Variants in OTUD7A observed in about 807,000 individuals in gnomAD.
OTUD7A encodes the protein OTU domain-containing protein 7A.
OTUD7A carries 12 observed loss-of-function variants against 65.7 expected under a neutral mutation model. That is an observed-to-expected ratio of 0.18 (90% confidence interval 0.12 to 0.30). The LOEUF is 0.30. Ranked by LOEUF, OTUD7A falls within the 10% of genes least tolerant of loss-of-function variation. OTUD7A has a pLI of 1.00. For missense variants in OTUD7A, 1,148 were observed against 1,304.8 expected (o/e 0.88, Z 1.85); for synonymous variants, 641 against 586.3 (o/e 1.09, Z -1.35).
intron 1 of OTUD7A, among the ~76,000 whole-genome samples, chr15:31,729,615 A>T (rs944107226): frequency 4.6e-5 from 7 of 152,138 alleles, no homozygotes; most frequent in Non-Finnish European, 2.9e-5. Context: ...ATATAGCTAA[A>T]ATTGGGTATT....
chr15:31,690,301 C>T (rs3912347), intron 1 of OTUD7A, among the ~76,000 whole-genome samples: 3 of 152,140 alleles, frequency 2.0e-5, no homozygotes, highest in Non-Finnish European at 4.4e-5. Flanking sequence ...TGTTTGCTAA[C>T]TGATCACGAA....
chr15:31,843,421 G>C (rs550008768), intron 1 of OTUD7A, among the ~76,000 whole-genome samples: 4 of 148,938 alleles, frequency 2.7e-5, no homozygotes, highest in African/African-American at 9.9e-5. Flanking sequence ...TATTTCTTTT[G>C]ACAGTGATTT....
intron 3 of OTUD7A, among the ~76,000 whole-genome samples, chr15:31,640,780 GTTA>G (rs1334137934): frequency 1.3e-5 from 2 of 152,116 alleles, no homozygotes; most frequent in African/African-American, 2.4e-5. Flanking sequence ...TAGTGAAATG[GTTA>G]TTATAGTCAA....
At chr15:31,569,878 G>C in intron 4 of OTUD7A, 140 bp downstream of exon 4, 1 of 840,752 alleles carries the variant, frequency 1.2e-6, no homozygotes, top group Non-Finnish European at 1.8e-6. Context: ...GGCATAGTGT[G>C]AGAAAGAAGG....
intron 1 of OTUD7A, among the ~76,000 whole-genome samples, chr15:31,763,093 G>T (rs549672827): frequency 1.3e-5 from 2 of 152,110 alleles, no homozygotes; most frequent in Non-Finnish European, 2.9e-5. Flanking sequence ...GACCAGGTTG[G>T]CCAACATGGT....
chr15:31,697,988 C>G (rs1893123436), intron 1 of OTUD7A, among the ~76,000 whole-genome samples: 1 of 152,176 alleles, frequency 6.6e-6, no homozygotes, highest in Non-Finnish European at 1.5e-5. Flanking sequence ...CCTGCTACTG[C>G]TCATCAGGCA....
At chr15:31,571,533 T>C (rs575885822) in intron 3 of OTUD7A, among the ~76,000 whole-genome samples, 2 of 152,294 alleles carry the variant, frequency 1.3e-5, no homozygotes, top group South Asian at 2.1e-4. Context: ...GAATATATCA[T>C]TTCATCACCC....
intron 1 of OTUD7A, among the ~76,000 whole-genome samples, chr15:31,814,813 T>C (rs1896507279): frequency 6.6e-6 from 1 of 152,182 alleles, no homozygotes; most frequent in African/African-American, 2.4e-5. Context: ...TGTGAGCCAC[T>C]GGGCCCAGCC....
chr15:31,716,540 T>C (rs1893591208), intron 1 of OTUD7A, among the ~76,000 whole-genome samples: 1 of 127,834 alleles, frequency 7.8e-6, no homozygotes, highest in South Asian at 3.5e-4. Flanking sequence ...TGGGCACACA[T>C]GGACCAGCGA....
chr15:31,541,903 C>T (rs1248385276), intron 5 of OTUD7A, among the ~76,000 whole-genome samples: 2 of 152,134 alleles, frequency 1.3e-5, no homozygotes, highest in Non-Finnish European at 2.9e-5. Context: ...AAATTTGTCT[C>T]TTTTAGCCTA....
chr15:31,760,150 T>C (rs1417351692), intron 1 of OTUD7A, among the ~76,000 whole-genome samples: 1 of 152,194 alleles, frequency 6.6e-6, no homozygotes, highest in Non-Finnish European at 1.5e-5. Context: ...GGAGAACTCT[T>C]GATCTTCCCT....
chr15:31,503,699 C>T lies in OTUD7A; in HGVS notation c.1013G>A (p.Gly338Asp), dbSNP rs1388491411. 2.5e-6 allele frequency: 4 copies of T among 1,614,096 alleles called. No individual in the cohort carries two copies. The Admixed American group carries it at 5.0e-5, about 20-fold the overall frequency. ...CTCTTTGAGGAACTTACCTTCTCCA[C>T]CTGAGTCTCTTAACATTGTATCTGC... ...VVADTMLRDS[G>D]GEAFAPIPFG... The change falls in exon 9 of 13, where the codon GGT becomes GAT. Residue 338 changes from glycine (G) to aspartate (D), a missense_variant. Gly to Asp is a moderately conservative substitution (Grantham distance 94, BLOSUM62 -1). Coordinates refer to ENST00000307050, the MANE Select transcript of OTUD7A (RefSeq NM_001382637.1).
intron 1 of OTUD7A, among the ~76,000 whole-genome samples, chr15:31,844,905 C>T (rs1257876394): frequency 1.3e-5 from 2 of 152,160 alleles, no homozygotes; most frequent in African/African-American, 4.8e-5. Context: ...ATTCCCAGGA[C>T]TTGGTGTCCC....
chr15:31,533,167 G>C (rs28850966), intron 5 of OTUD7A, among the ~76,000 whole-genome samples: 41,398 of 151,442 alleles, frequency 0.27, 6,891 homozygotes, highest in East Asian at 0.68. Flanking sequence ...ACTTATATGG[G>C]AAAAACAATT....
At chr15:31,791,250 C>T (rs1895806418) in intron 1 of OTUD7A, among the ~76,000 whole-genome samples, 2 of 152,146 alleles carry the variant, frequency 1.3e-5, no homozygotes, top group African/African-American at 4.8e-5. Context: ...TGGTCTTGAT[C>T]TCTTGACCTC....
At chr15:31,743,803 A>T (rs965551316) in intron 1 of OTUD7A, among the ~76,000 whole-genome samples, 11 of 152,142 alleles carry the variant, frequency 7.2e-5, no homozygotes, top group African/African-American at 2.7e-4. Flanking sequence ...TGATTCATTG[A>T]AAGATTCATA....
rs550461309 is a variant in OTUD7A, at chr15:31,850,220, C to T, written c.-100+20287G>A. 2.0e-5 allele frequency among the ~76,000 whole-genome samples: 3 copies of T among 152,296 alleles called. No homozygotes were observed. The East Asian group carries it at 5.8e-4, about 29-fold the overall frequency. On this transcript the variant is annotated intron_variant, in intron 1 of 12. Coordinates refer to ENST00000307050, the MANE Select transcript of OTUD7A (RefSeq NM_001382637.1). ...TGTGGCACATATACATCATGGAATACTATGCAGCCATAAAAAAGGATGAGT... is the reference window on the plus strand; with the variant it reads ...TGTGGCACATATACATCATGGAATATTATGCAGCCATAAAAAAGGATGAGT...
intron 1 of OTUD7A, among the ~76,000 whole-genome samples, chr15:31,802,107 G>A (rs202132982): frequency 3.1e-4 from 4 of 12,842 alleles, no homozygotes; most frequent in Admixed American, 1.6e-3. Flanking sequence ...GTATATATGT[G>A]TGTGTGTGTG....
At chr15:31,510,561 C>CATATATATGTATATCTATATGTAACATAT (rs1555391522) in intron 8 of OTUD7A, among the ~76,000 whole-genome samples, 14 of 57,582 alleles carry the variant, frequency 2.4e-4, no homozygotes, top group African/African-American at 1.2e-3. Flanking sequence ...ATGTAACATA[C>CATATATATGTATATCTATATGTAACATAT]ATATGTATAT....
Sources: gnomAD v4.1 joint callset for allele counts (sites outside exome capture counted in the v4.1 genomes callset) on GRCh38, gnomAD v4.1.1 for gene constraint, MANE v1.5 for transcripts, NCBI Gene and HGNC (gene_info 2026-07-23, HGNC 2026-07-21) for gene names.